CD48: variants seen among roughly 807,000 people sequenced by gnomAD.
The protein encoded by CD48 is CD48 antigen.
In CD48, 20 loss-of-function variants were observed where a neutral mutation model predicts 22.0. The ratio of observed to expected loss-of-function variants is 0.91; its 90% CI spans 0.64 to 1.32. The LOEUF (loss-of-function observed/expected upper bound fraction) is 1.32, where lower values mean the gene tolerates loss of function less well. CD48 is among the 40% of genes most tolerant of loss of function. CD48 has a pLI of 0.00. For synonymous variants in CD48, 110 were observed against 110.1 expected (o/e 1.00, Z 0.01); for missense variants, 307 against 286.5 (o/e 1.07, Z -0.52).
intron 1 of CD48, among the ~76,000 whole-genome samples, chr1:160,686,985 C>A (rs957521439): frequency 5.9e-5 from 9 of 152,032 alleles, no homozygotes; most frequent in Admixed American, 5.2e-4. Context: ...CAGGAGTTTT[C>A]TCTTCCTAAT....
At chr1:160,701,796 C>A (rs1036384967) in intron 1 of CD48, among the ~76,000 whole-genome samples, 1 of 152,108 alleles carries the variant, frequency 6.6e-6, no homozygotes, top group African/African-American at 2.4e-5. Flanking sequence ...ACCTACTAGT[C>A]CTACCTTAGT....
At chr1:160,683,237 A>T (rs1470345200) in intron 2 of CD48, among the ~76,000 whole-genome samples, 1 of 152,190 alleles carries the variant, frequency 6.6e-6, no homozygotes, top group African/African-American at 2.4e-5. Context: ...CACTTTGCTG[A>T]TGGAATTAAT....
intron 1 of CD48, among the ~76,000 whole-genome samples, chr1:160,700,347 A>G (rs955600612): frequency 2.0e-5 from 3 of 152,226 alleles, no homozygotes; most frequent in Admixed American, 2.0e-4. Context: ...CTTTGAGCCA[A>G]TTTAAAGGAA....
intron 1 of CD48, among the ~76,000 whole-genome samples, chr1:160,710,537 T>A (rs1349483417): frequency 6.6e-6 from 1 of 152,136 alleles, no homozygotes. Context: ...CAGAGAAAGG[T>A]CAACTGTCAG....
At chr1:160,698,318 C>T (rs1374414530) in intron 1 of CD48, among the ~76,000 whole-genome samples, 2 of 152,130 alleles carry the variant, frequency 1.3e-5, no homozygotes, top group African/African-American at 4.8e-5. Context: ...CACGGACCGA[C>T]CGTGGGAGGC....
intron 1 of CD48, among the ~76,000 whole-genome samples, chr1:160,693,193 C>T (rs1662290204): frequency 6.6e-6 from 1 of 152,196 alleles, no homozygotes; most frequent in East Asian, 1.9e-4. Flanking sequence ...CAGGAAGCGC[C>T]TGCTCCACAT....
At position 160,692,410 on chromosome 1, in the gene CD48, G is replaced by A. The variant is rs1026840992; in HGVS notation, c.83-7221C>T. On this transcript the variant is annotated intron_variant, in intron 1 of 3. Coordinates refer to ENST00000368046, the MANE Select transcript of CD48 (RefSeq NM_001778.4). ...AGGTCCAGAATTAGTGGGGCCATTA[G>A]AGTCTAAACCACGAGGGCCAAGTCC... 2.6e-5 allele frequency among the ~76,000 whole-genome samples: 4 copies of A among 152,172 alleles called. No homozygotes were observed. The East Asian group carries it at 7.7e-4, about 29-fold the overall frequency.
At chr1:160,693,999 C>T (rs1002198641) in intron 1 of CD48, among the ~76,000 whole-genome samples, 1 of 152,168 alleles carries the variant, frequency 6.6e-6, no homozygotes, top group Admixed American at 6.5e-5. Context: ...GGGGAGCCCC[C>T]ACAAAAAATC....
At chr1:160,682,296 G>GAAAGA (rs913729779) in intron 2 of CD48, among the ~76,000 whole-genome samples, 24 of 144,284 alleles carry the variant, frequency 1.7e-4, no homozygotes, top group Non-Finnish European at 2.9e-4. Context: ...AAAAAAAAAA[G>GAAAGA]AAAGAAAAGA....
intron 1 of CD48, among the ~76,000 whole-genome samples, chr1:160,704,176 C>G (rs577980406): frequency 1.8e-4 from 27 of 152,314 alleles, no homozygotes; most frequent in African/African-American, 6.5e-4. Flanking sequence ...AGTGATGAAG[C>G]TGAAGCTTCA....
intron 2 of CD48, among the ~76,000 whole-genome samples, chr1:160,682,296 G>GA (rs1558030455): frequency 6.9e-6 from 1 of 144,192 alleles, no homozygotes; most frequent in Non-Finnish European, 1.5e-5. Context: ...AAAAAAAAAA[G>GA]AAAGAAAAGA....
chr1:160,711,519 A>G (rs1473067910), intron 1 of CD48, among the ~76,000 whole-genome samples, 163 bp downstream of exon 1: 2 of 152,196 alleles, frequency 1.3e-5, no homozygotes, highest in African/African-American at 2.4e-5. Context: ...ATCAGTGCTA[A>G]GAAAGGCTCC....
At chr1:160,689,710 T>C (rs536247888) in intron 1 of CD48, among the ~76,000 whole-genome samples, 1 of 152,312 alleles carries the variant, frequency 6.6e-6, no homozygotes, top group South Asian at 2.1e-4. Context: ...CTGAAGGCAA[T>C]CTCTGACACA....
intron 1 of CD48, among the ~76,000 whole-genome samples, chr1:160,691,340 C>T (rs991070272): frequency 1.3e-5 from 2 of 152,188 alleles, no homozygotes; most frequent in Non-Finnish European, 2.9e-5. Flanking sequence ...GTACGTTCCA[C>T]CTACTGAGAT....
chr1:160,706,086 A>AT (rs925528357), intron 1 of CD48, among the ~76,000 whole-genome samples: 5 of 151,724 alleles, frequency 3.3e-5, no homozygotes, highest in African/African-American at 1.2e-4. Flanking sequence ...TATATATATA[A>AT]TTTTTTTTAT....
intron 1 of CD48, among the ~76,000 whole-genome samples, chr1:160,711,224 T>C (rs959143593): frequency 6.6e-6 from 1 of 152,208 alleles, no homozygotes; most frequent in Non-Finnish European, 1.5e-5. Context: ...TTTTGATCTA[T>C]CTTTTCTTTG....
At position 160,681,231 on chromosome 1, in the gene CD48, G is replaced by A. The variant is rs150735389; in HGVS notation, c.623C>T (p.Thr208Met). Residue 208 changes from threonine to methionine, a missense_variant, in exon 3 of 4, where the codon ACG (threonine) becomes ATG (methionine). Transcript: ENST00000368046. ...GGTACAGGGTGGACTGAGGCAGACC[G>A]TGCCATTCTTGCTGCTCACAGAATT... ...VSNSVSSKNG[T>M]VCLSPPCTLA... The A allele has an allele frequency of 1.6e-3, 2,640 of 1,614,152 alleles. 3 individuals are homozygous for A. Among genetic ancestry groups the A allele is most frequent in the Admixed American group, 2.1e-3 (129 of 60,022 alleles).
chr1:160,681,384 G>A lies in CD48; in HGVS notation c.470C>T (p.Pro157Leu). The A allele has an allele frequency of 6.2e-7, 1 of 1,614,164 alleles. No homozygotes were observed. ...NCYLKLSCVI[P>L]GESVNYTWYG... ...CCAGGTGTAGTTTACAGACTCGCCA[G>A]GTATCACACATGACAGTTTCAGATA... Residue 157 changes from proline to leucine, a missense_variant, in exon 3 of 4, where the codon CCT becomes CTT. By Grantham distance (98) the Pro-to-Leu change is moderately conservative. Transcript: ENST00000368046.
chr1:160,690,162 G>A (rs562356140), intron 1 of CD48, among the ~76,000 whole-genome samples: 2 of 152,260 alleles, frequency 1.3e-5, no homozygotes, highest in East Asian at 3.9e-4. Flanking sequence ...TTGTATAAAT[G>A]AATCAAAAGC....
Sources: allele counts gnomAD v4.1 joint callset (sites outside exome capture counted in the v4.1 genomes callset), GRCh38; gene constraint gnomAD v4.1.1; transcripts MANE v1.5; gene names NCBI Gene and HGNC (gene_info 2026-07-23, HGNC 2026-07-21).